The following SNX7 variants were observed in gnomAD, a reference collection of about 807,000 sequenced individuals.
SNX7 encodes the protein sorting nexin 7.
Under a neutral mutation model 48.4 loss-of-function variants are expected in SNX7, and 35 were observed. The ratio of observed to expected loss-of-function variants is 0.72; its 90% CI spans 0.55 to 0.96. SNX7 has a LOEUF of 0.96. Ranked by LOEUF, SNX7 falls within the 40% of genes least tolerant of loss-of-function variation. The pLI, the probability that SNX7 is intolerant of heterozygous loss-of-function variation, is 0.00. For synonymous variants in SNX7, 190 were observed against 190.2 expected (o/e 1.00, Z 0.01); for missense variants, 553 against 548.9 (o/e 1.01, Z -0.07).
chr1:98,664,992 C>T (rs1285305666), intron 1 of SNX7, among the ~76,000 whole-genome samples: 2 of 152,168 alleles, frequency 1.3e-5, no homozygotes, highest in Non-Finnish European at 2.9e-5. Flanking sequence ...CCAGTTTCTT[C>T]ACGTTTAAAG....
chr1:98,718,701 A>G (rs1441324496), intron 7 of SNX7, among the ~76,000 whole-genome samples: 1 of 152,158 alleles, frequency 6.6e-6, no homozygotes, highest in African/African-American at 2.4e-5. Flanking sequence ...CCATGTTATT[A>G]GTATAAGCAC....
chr1:98,694,927 G>A (rs1435831299), intron 4 of SNX7, among the ~76,000 whole-genome samples: 1 of 151,988 alleles, frequency 6.6e-6, no homozygotes, highest in East Asian at 1.9e-4. Context: ...TCTTGAGCAA[G>A]TTAGTTAACT....
rs760190415 is a variant in SNX7, at chr1:98,695,546, C to A, written c.668C>A (p.Pro223His). 5.6e-6 allele frequency: 9 copies of A among 1,614,062 alleles called. No homozygotes were observed. Among genetic ancestry groups the A allele is most frequent in the Middle Eastern group, 3.3e-4 (2 of 6,062 alleles). The change falls in exon 5 of 9, where the codon CCT becomes CAT. Residue 223 changes from proline (P) to histidine (H), a missense_variant. Physicochemically the swap from Pro to His is moderately conservative, Grantham distance 77. Transcript: ENST00000306121. Reference protein sequence around the residue: ...WELSSHKKQGPGLLSRMGQTV... With the variant: ...WELSSHKKQGHGLLSRMGQTV... Reference sequence around the variant, plus strand: ...CTCTCTTCTCACAAGAAGCAAGGTCCTGGCTTGCTAAGCAGGATGGGGCAA... The same window carrying A: ...CTCTCTTCTCACAAGAAGCAAGGTCATGGCTTGCTAAGCAGGATGGGGCAA...
intron 7 of SNX7, among the ~76,000 whole-genome samples, chr1:98,714,823 T>C (rs1652503505): frequency 6.6e-6 from 1 of 152,208 alleles, no homozygotes; most frequent in Non-Finnish European, 1.5e-5. Context: ...TGTGTAGGCC[T>C]TGAGTTTTCT....
chr1:98,730,933 T>C (rs1376698604), intron 7 of SNX7, among the ~76,000 whole-genome samples: 2 of 152,074 alleles, frequency 1.3e-5, no homozygotes, highest in Non-Finnish European at 2.9e-5. Context: ...ATGTTCCCAC[T>C]TATAAATGGG....
chr1:98,738,533 G>C (rs1653910812), intron 8 of SNX7, 144 bp downstream of exon 8: 1 of 750,896 alleles, frequency 1.3e-6, no homozygotes, highest in Non-Finnish European at 2.1e-6. Flanking sequence ...GAAGTTGTCA[G>C]TTACCATTTG....
rs975033733 is a variant in SNX7 at position 98,749,843 on chromosome 1, G to A, written c.1279-10211G>A. On this transcript the variant is annotated intron_variant, in intron 8 of 8. Coordinates refer to ENST00000306121, the MANE Select transcript of SNX7 (RefSeq NM_015976.5). The stretch of plus-strand genomic sequence containing the variant: ...ATTGGCCTAGTATAGAAATGATTGC[G>A]AATTTGGGCTTCAACGTTTTCTCAA... Among the ~76,000 whole-genome samples the A allele has an allele frequency of 5.3e-5, 8 of 152,034 alleles. No individual in the cohort carries two copies. The South Asian group carries it at 1.2e-3, about 24-fold the overall frequency.
chr1:98,661,358 G>C (rs927481788), upstream of SNX7, among the ~76,000 whole-genome samples: 3 of 151,624 alleles, frequency 2.0e-5, no homozygotes, highest in Admixed American at 1.3e-4. Context: ...CGAAGTGGAC[G>C]GTTCGCTTCG....
intron 2 of SNX7, 56 bp from the exon 3 acceptor site, chr1:98,691,019 G>A (rs1157506029): frequency 3.7e-5 from 42 of 1,131,286 alleles, no homozygotes; most frequent in Non-Finnish European, 5.1e-5. Context: ...ATAACGTTAG[G>A]CAAATACCTT....
chr1:98,679,966 C>A (rs547756046), intron 1 of SNX7, among the ~76,000 whole-genome samples: 4 of 152,280 alleles, frequency 2.6e-5, no homozygotes, highest in Admixed American at 6.5e-5. Flanking sequence ...TAGGTGGTGC[C>A]CCAGTAGGGA....
chr1:98,745,225 A>G (rs937798898), intron 8 of SNX7, among the ~76,000 whole-genome samples: 2 of 152,008 alleles, frequency 1.3e-5, no homozygotes, highest in African/African-American at 4.8e-5. Flanking sequence ...GATGGTCTGT[A>G]TTGAATCATT....
chr1:98,742,560 G>A (rs1654124509), intron 8 of SNX7, among the ~76,000 whole-genome samples: 1 of 151,946 alleles, frequency 6.6e-6, no homozygotes, highest in Admixed American at 6.6e-5. Context: ...TCATTCCTTT[G>A]AATAGTTTAT....
intron 8 of SNX7, among the ~76,000 whole-genome samples, chr1:98,743,730 CTTG>C (rs764396907): frequency 1.3e-5 from 2 of 151,994 alleles, no homozygotes; most frequent in Non-Finnish European, 2.9e-5. Context: ...GGATTTATTT[CTTG>C]TTGTGTTGGG....
intron 7 of SNX7, among the ~76,000 whole-genome samples, chr1:98,704,396 G>A (rs1460545366): frequency 6.6e-6 from 1 of 152,078 alleles, no homozygotes; most frequent in African/African-American, 2.4e-5. Flanking sequence ...TAAAGTTTAT[G>A]GGGACTGAGT....
At chr1:98,682,193 C>T (rs1246688136) in intron 1 of SNX7, among the ~76,000 whole-genome samples, 5 of 151,604 alleles carry the variant, frequency 3.3e-5, no homozygotes, top group African/African-American at 1.2e-4. Context: ...GTATTCTGTT[C>T]TCCACCATCC....
At chr1:98,676,782 C>T (rs952422787) in intron 1 of SNX7, among the ~76,000 whole-genome samples, 10 of 152,140 alleles carry the variant, frequency 6.6e-5, no homozygotes, top group African/African-American at 2.4e-4. Context: ...TATATTAATG[C>T]ATTTGGATCT....
intron 7 of SNX7, among the ~76,000 whole-genome samples, chr1:98,725,479 A>AC (rs1331603130): frequency 6.6e-6 from 1 of 152,196 alleles, no homozygotes; most frequent in Non-Finnish European, 1.5e-5. Context: ...CTGGTATGGT[A>AC]CTTGGCATGA....
chr1:98,673,014 A>G (rs140838014), intron 1 of SNX7, among the ~76,000 whole-genome samples: 4 of 151,996 alleles, frequency 2.6e-5, no homozygotes, highest in African/African-American at 9.6e-5. Flanking sequence ...ATCACCTCCA[A>G]TTGGCTAATG....
chr1:98,741,619 C>T (rs1654073822), intron 8 of SNX7, among the ~76,000 whole-genome samples: 1 of 152,050 alleles, frequency 6.6e-6, no homozygotes, highest in South Asian at 2.1e-4. Flanking sequence ...ATTACAAATC[C>T]ATTTGAGCAG....
Sources: gnomAD v4.1 joint callset for allele counts (sites outside exome capture counted in the v4.1 genomes callset) on GRCh38, gnomAD v4.1.1 for gene constraint, MANE v1.5 for transcripts, NCBI Gene and HGNC (gene_info 2026-07-23, HGNC 2026-07-21) for gene names.